Variants in BCKDHB observed in about 807,000 individuals in gnomAD.
BCKDHB encodes 2-oxoisovalerate dehydrogenase subunit beta, mitochondrial.
A neutral mutation model predicts 48.5 loss-of-function variants in BCKDHB; 41 were observed. The ratio of observed to expected loss-of-function variants is 0.85; its 90% CI spans 0.66 to 1.10. BCKDHB has a LOEUF of 1.10. Ranked by LOEUF, BCKDHB falls within the 50% of genes least tolerant of loss-of-function variation. BCKDHB has a pLI of 0.00. For synonymous variants in BCKDHB, 201 were observed against 174.8 expected (o/e 1.15, Z -1.18); for missense variants, 496 against 494.2 (o/e 1.00, Z -0.03).
chr6:80,147,203 A>G (rs1771531668), intron 3 of BCKDHB, among the ~76,000 whole-genome samples: 1 of 152,144 alleles, frequency 6.6e-6, no homozygotes, highest in Non-Finnish European at 1.5e-5. Flanking sequence ...TAATGTACAA[A>G]GAGGTAAAAT....
At chr6:80,274,369 T>C (rs185558349) in intron 9 of BCKDHB, among the ~76,000 whole-genome samples, 2 of 152,112 alleles carry the variant, frequency 1.3e-5, no homozygotes, top group East Asian at 3.9e-4. Flanking sequence ...GTTTTCCTAG[T>C]TACTATATCA....
chr6:80,111,614 T>G (rs1769413151), intron 1 of BCKDHB, among the ~76,000 whole-genome samples: 1 of 152,164 alleles, frequency 6.6e-6, no homozygotes, highest in African/African-American at 2.4e-5. Context: ...AGGCCTGAAA[T>G]AGGTAGCCTA....
At chr6:80,193,746 G>A (rs1774010981) in intron 6 of BCKDHB, among the ~76,000 whole-genome samples, 2 of 150,844 alleles carry the variant, frequency 1.3e-5, no homozygotes, top group South Asian at 4.2e-4. Context: ...AAAGTCTCCT[G>A]GTTACATGAA....
At chr6:80,296,093 C>T (rs1052013938) in intron 9 of BCKDHB, among the ~76,000 whole-genome samples, 2 of 152,180 alleles carry the variant, frequency 1.3e-5, no homozygotes, top group Non-Finnish European at 1.5e-5. Context: ...ATGCAGTTAA[C>T]TCCTGTTCTG....
chr6:80,332,812 C>T (rs1769383586), intron 9 of BCKDHB, among the ~76,000 whole-genome samples: 1 of 151,248 alleles, frequency 6.6e-6, no homozygotes, highest in Non-Finnish European at 1.5e-5. Context: ...AGTTTTAGAA[C>T]TCAAGTGGCA....
intron 9 of BCKDHB, among the ~76,000 whole-genome samples, chr6:80,332,050 C>T (rs1769336658): frequency 6.6e-6 from 1 of 152,126 alleles, no homozygotes; most frequent in South Asian, 2.1e-4. Context: ...TTTTTAAAAG[C>T]TGTGCTTCGC....
chr6:80,311,919 A>G (rs1003669196), intron 9 of BCKDHB, among the ~76,000 whole-genome samples: 1 of 152,118 alleles, frequency 6.6e-6, no homozygotes, highest in African/African-American at 2.4e-5. Context: ...GGCTCTTTTC[A>G]GGTTTCATAT....
chr6:80,178,365 C>T (rs926922401), intron 6 of BCKDHB, among the ~76,000 whole-genome samples: 3 of 152,086 alleles, frequency 2.0e-5, no homozygotes, highest in Non-Finnish European at 4.4e-5. Context: ...GTAATTTTGA[C>T]GAATACATAA....
chr6:80,242,570 C>T (rs1183644082), intron 8 of BCKDHB, among the ~76,000 whole-genome samples: 1 of 146,614 alleles, frequency 6.8e-6, no homozygotes, highest in Non-Finnish European at 1.5e-5. Flanking sequence ...TACACATGTA[C>T]ACACACACAC....
chr6:80,106,814 A>G lies in BCKDHB; in HGVS notation c.121A>G (p.Thr41Ala), dbSNP rs1391894303. ...LARGFLHPAA[T>A]VEDAAQRRQV... ...GCGGGGCTTTTTGCACCCCGCCGCG[A>G]CTGTCGAGGATGCGGCCCAGAGGCG... Residue 41 changes from threonine to alanine, a missense_variant, in exon 1 of 10, where the codon ACT (threonine) becomes GCT (alanine). By Grantham distance (58) the Thr-to-Ala change is moderately conservative (BLOSUM62 0). Transcript: ENST00000320393. 6.2e-7 allele frequency: 1 copy of G among 1,608,468 alleles called. No individual in the cohort carries two copies. The highest frequency in any genetic ancestry group is 1.3e-5 in the African/African-American group (1 of 74,800).
At chr6:80,447,210 C>A in the BCKDHB span, among the ~76,000 whole-genome samples, 1 of 152,114 alleles carries the variant, frequency 6.6e-6, no homozygotes, top group Non-Finnish European at 1.5e-5. Context: ...ATTTTCTTAT[C>A]TGCCAAATGA....
At chr6:80,115,481 G>A (rs748699880) in intron 1 of BCKDHB, among the ~76,000 whole-genome samples, 1 of 152,110 alleles carries the variant, frequency 6.6e-6, no homozygotes, top group Non-Finnish European at 1.5e-5. Context: ...TGGATGGAGG[G>A]TAGAGGTTTT....
At chr6:80,384,413 C>A in the BCKDHB span, among the ~76,000 whole-genome samples, 1 of 151,308 alleles carries the variant, frequency 6.6e-6, no homozygotes, top group Non-Finnish European at 1.5e-5. Context: ...GGCTGGAGTG[C>A]AATGGCGCGA....
At chr6:80,128,640 T>C (rs1770465031) in intron 2 of BCKDHB, among the ~76,000 whole-genome samples, 1 of 152,142 alleles carries the variant, frequency 6.6e-6, no homozygotes. Flanking sequence ...GTATGCTGTG[T>C]CTCAGGAAAA....
At chr6:80,206,759 G>A (rs1255368531) in intron 8 of BCKDHB, among the ~76,000 whole-genome samples, 1 of 151,890 alleles carries the variant, frequency 6.6e-6, no homozygotes, top group African/African-American at 2.4e-5. Context: ...AAACACATTT[G>A]GGATCTGGTC....
chr6:80,259,084 A>G (rs942135898), intron 8 of BCKDHB, among the ~76,000 whole-genome samples: 21 of 151,810 alleles, frequency 1.4e-4, no homozygotes, highest in African/African-American at 4.8e-4. Flanking sequence ...GTGTAGATAT[A>G]CTTAATATTA....
At chr6:80,220,003 G>C (rs1365613829) in intron 8 of BCKDHB, among the ~76,000 whole-genome samples, 1 of 152,064 alleles carries the variant, frequency 6.6e-6, no homozygotes, top group African/African-American at 2.4e-5. Context: ...ATATGAGTCT[G>C]TTTGACTCAT....
intron 3 of BCKDHB, among the ~76,000 whole-genome samples, chr6:80,137,380 T>G (rs1211661124): frequency 6.6e-6 from 1 of 152,162 alleles, no homozygotes; most frequent in African/African-American, 2.4e-5. Context: ...CAGCACTATT[T>G]ATTTATTTCT....
chr6:80,463,980 C>T, the BCKDHB span, among the ~76,000 whole-genome samples: 23 of 152,124 alleles, frequency 1.5e-4, no homozygotes, highest in African/African-American at 4.8e-4. Context: ...CTTTGAATAA[C>T]TCCTATATCC....
Sources: allele counts gnomAD v4.1 joint callset (sites outside exome capture counted in the v4.1 genomes callset), GRCh38; gene constraint gnomAD v4.1.1; transcripts MANE v1.5; gene names NCBI Gene and HGNC (gene_info 2026-07-23, HGNC 2026-07-21).